The following JAK2 variants were observed in gnomAD, a reference collection of about 807,000 sequenced individuals.
JAK2 encodes Janus kinase 2, also known as tyrosine-protein kinase JAK2.
A neutral mutation model predicts 139.3 loss-of-function variants in JAK2; 86 were observed. That is an observed-to-expected ratio of 0.62 (90% CI 0.52 to 0.74). The LOEUF is 0.74. JAK2 is among the 30% of genes least tolerant of loss of function. The probability of loss-of-function intolerance (pLI) is 0.00; values close to 1 mark genes in which losing one functional copy is unlikely to be tolerated. For missense variants in JAK2, 1,421 were observed against 1,360.3 expected (o/e 1.04, Z -0.70); for synonymous variants, 490 against 437.7 (o/e 1.12, Z -1.49).
chr9:5,081,489 A>G (rs1819698532), intron 18 of JAK2, among the ~76,000 whole-genome samples: 1 of 152,196 alleles, frequency 6.6e-6, no homozygotes, highest in South Asian at 2.1e-4. Context: ...TATGAATACT[A>G]AAACTTCTTA....
At chr9:4,997,431 G>A (rs1820640754) in intron 2 of JAK2, among the ~76,000 whole-genome samples, 1 of 152,128 alleles carries the variant, frequency 6.6e-6, no homozygotes, top group African/African-American at 2.4e-5. Context: ...TTCAAGAGCT[G>A]GAGCAAAAGA....
intron 8 of JAK2, among the ~76,000 whole-genome samples, chr9:5,058,009 A>C (rs995391640): frequency 9.2e-5 from 14 of 152,188 alleles, no homozygotes; most frequent in Admixed American, 2.6e-4. Flanking sequence ...TTTGTATTAC[A>C]GCATGTATCA....
intron 22 of JAK2, chr9:5,097,100 C>G (rs1481632820): frequency 6.6e-6 from 1 of 152,120 alleles, no homozygotes; most frequent in East Asian, 1.9e-4. Context: ...GTGGGTCTTA[C>G]CATCTTCTCA....
At chr9:5,075,972 C>T (rs187327994) in intron 14 of JAK2, among the ~76,000 whole-genome samples, 2 of 152,200 alleles carry the variant, frequency 1.3e-5, no homozygotes, top group East Asian at 3.9e-4. Context: ...TTCTAACCCT[C>T]CTGGATGACT....
At position 5,016,749 on chromosome 9, in the gene JAK2, C is replaced by T. The variant is rs545797238; in HGVS notation, c.-25-5214C>T. Among the ~76,000 whole-genome samples the T allele has an allele frequency of 3.9e-5, 6 of 152,300 alleles. No individual in the cohort carries two copies. In the South Asian group the frequency reaches 1.0e-3, roughly 26 times the overall value. On this transcript the variant is annotated intron_variant, in intron 2 of 24. Coordinates refer to ENST00000381652, the MANE Select transcript of JAK2 (RefSeq NM_004972.4). The stretch of plus-strand genomic sequence containing the variant: ...CCTCCTGCCAGTTATTCTCCATGCC[C>T]TCCCACTATCCCAACCCTGCCAAGC...
intron 22 of JAK2, among the ~76,000 whole-genome samples, chr9:5,120,418 A>C (rs560742920): frequency 6.6e-6 from 1 of 152,352 alleles, no homozygotes; most frequent in South Asian, 2.1e-4. Flanking sequence ...TTTGCCCATG[A>C]TATCATTTTT....
chr9:5,035,067 CAGAAAT>C (rs1011296075), intron 4 of JAK2, among the ~76,000 whole-genome samples: 1 of 152,160 alleles, frequency 6.6e-6, no homozygotes, highest in African/African-American at 2.4e-5. Context: ...CCCGATCCCA[CAGAAAT>C]ACAAACTACC....
intron 8 of JAK2, among the ~76,000 whole-genome samples, chr9:5,059,212 A>C (rs953517689): frequency 6.6e-6 from 1 of 152,182 alleles, no homozygotes; most frequent in Non-Finnish European, 1.5e-5. Context: ...AGGTTTCCAC[A>C]TGCATCTTCC....
chr9:5,040,496 A>G (rs1816403022), intron 4 of JAK2, among the ~76,000 whole-genome samples: 1 of 152,262 alleles, frequency 6.6e-6, no homozygotes. Flanking sequence ...AAAGCACACT[A>G]TCAAAAATGC....
At chr9:5,121,203 G>C (rs79912669) in intron 22 of JAK2, among the ~76,000 whole-genome samples, 12,545 of 152,138 alleles carry the variant, frequency 0.082, 1,582 homozygotes, top group African/African-American at 0.28. Flanking sequence ...TTTTATGATT[G>C]AGTAAGCATT....
intron 22 of JAK2, chr9:5,112,934 C>A (rs922294272): frequency 2.1e-5 from 5 of 235,996 alleles, no homozygotes; most frequent in Non-Finnish European, 4.1e-5. Context: ...TGGGCTTCAT[C>A]CACATCCACA....
Position 5,103,221 on chromosome 9 carries a change from C to CAAA in JAK2, c.3059+12342_3059+12344dup, listed in dbSNP as rs56691830. Reference sequence around the variant, plus strand: ...GAAGATCTACCAAGCAAAGGGAAAGCAAAAAAAAAAAAAAAAAAAAAAAAA... The same window carrying CAAA: ...GAAGATCTACCAAGCAAAGGGAAAGCAAAAAAAAAAAAAAAAAAAAAAAAAAAA... On this transcript the variant is annotated intron_variant, in intron 22 of 24. Transcript: ENST00000381652. Among the ~76,000 whole-genome samples the CAAA allele has an allele frequency of 3.3e-3, 23 of 6,868 alleles. 4 individuals carry two copies. The highest frequency in any genetic ancestry group is 4.1e-3 in the African/African-American group (7 of 1,694). 4.5% of individuals were successfully genotyped at this position (6,868 alleles called of 152,430 possible).
At chr9:5,008,902 T>C (rs1460699573) in intron 2 of JAK2, among the ~76,000 whole-genome samples, 1 of 152,158 alleles carries the variant, frequency 6.6e-6, no homozygotes, top group Non-Finnish European at 1.5e-5. Flanking sequence ...GCTCATAATA[T>C]TTTTTTCTTT....
Position 5,036,786 on chromosome 9 carries a change from C to T in JAK2, c.350+6880C>T, listed in dbSNP as rs556880664. ...AGAAGAAAACCTAGGCAATACCATT[C>T]AGGACATAAGCATGGGCAAGGACTT... On this transcript the variant is annotated intron_variant, in intron 4 of 24. Transcript: ENST00000381652. Among the ~76,000 whole-genome samples the T allele has an allele frequency of 4.6e-3, 695 of 152,242 alleles. 5 individuals are homozygous for T. Among genetic ancestry groups the T allele is most frequent in the African/African-American group, 0.015 (629 of 41,546 alleles).
chr9:5,081,041 G>T (rs368263613), intron 18 of JAK2, among the ~76,000 whole-genome samples: 1 of 150,958 alleles, frequency 6.6e-6, no homozygotes, highest in African/African-American at 2.4e-5. Context: ...GACTACAGGC[G>T]CCCGCCACCA....
At chr9:5,119,804 CA>C (rs915939474) in intron 22 of JAK2, among the ~76,000 whole-genome samples, 1 of 151,778 alleles carries the variant, frequency 6.6e-6, no homozygotes, top group African/African-American at 2.4e-5. Context: ...TTAATGAACA[CA>C]AAAAATATAT....
Position 5,089,641 on chromosome 9 carries a change from G to C in JAK2, c.2572-33G>C, listed in dbSNP as rs372251329. 3.9e-4 allele frequency: 445 copies of C among 1,153,014 alleles called. 1 individual carries two copies. Among genetic ancestry groups the C allele is most frequent in the Non-Finnish European group, 4.9e-4 (434 of 879,032 alleles). The allele number at this position is 1,153,014 out of a possible 1,614,324, so 71.4% of individuals were successfully genotyped here. On this transcript the variant is annotated intron_variant, in intron 19 of 24. Coordinates refer to ENST00000381652, the MANE Select transcript of JAK2 (RefSeq NM_004972.4). ...TATTTGTAATTTGCCTTGAAAACTT[G>C]GTATTTCCATCCTAATGTGATGTGT...
chr9:5,031,038 A>G (rs893324503), intron 4 of JAK2, among the ~76,000 whole-genome samples: 1 of 152,148 alleles, frequency 6.6e-6, no homozygotes, highest in African/African-American at 2.4e-5. Flanking sequence ...TAATAAGAAA[A>G]AACAGAAGAC....
At chr9:5,029,628 G>A (rs1823010338) in intron 3 of JAK2, among the ~76,000 whole-genome samples, 155 bp from the exon 4 acceptor site, 1 of 152,230 alleles carries the variant, frequency 6.6e-6, no homozygotes, top group African/African-American at 2.4e-5. Context: ...TAATAATTCA[G>A]TTGTAGGGGT....
Sources: gnomAD v4.1 joint callset for allele counts (sites outside exome capture counted in the v4.1 genomes callset) on GRCh38, gnomAD v4.1.1 for gene constraint, MANE v1.5 for transcripts, NCBI Gene and HGNC (gene_info 2026-07-23, HGNC 2026-07-21) for gene names.